The following DDX60L variants were observed in gnomAD, a reference collection of about 807,000 sequenced individuals.
The protein encoded by DDX60L is DExD/H-box 60 like.
Under a neutral mutation model 211.6 loss-of-function variants are expected in DDX60L, and 191 were observed. The ratio of observed to expected loss-of-function variants is 0.90; its 90% CI spans 0.80 to 1.02. DDX60L has a LOEUF of 1.02. DDX60L is among the 50% of genes least tolerant of loss of function. DDX60L has a pLI of 0.00. For synonymous variants in DDX60L, 706 were observed against 694.1 expected (o/e 1.02, Z -0.27); for missense variants, 2,007 against 1,984.1 (o/e 1.01, Z -0.22).
At chr4:168,393,756 G>T (rs964344039) in intron 28 of DDX60L, among the ~76,000 whole-genome samples, 2 of 152,106 alleles carry the variant, frequency 1.3e-5, no homozygotes, top group African/African-American at 4.8e-5. Flanking sequence ...TCTTAAAAAA[G>T]AAATGTCTTT....
At chr4:168,413,358 A>C (rs1354006400) in intron 22 of DDX60L, among the ~76,000 whole-genome samples, 1 of 152,152 alleles carries the variant, frequency 6.6e-6, no homozygotes, top group African/African-American at 2.4e-5. Flanking sequence ...TCCCTGATGA[A>C]TATTAATGCA....
chr4:168,412,348 G>A (rs904517535), intron 22 of DDX60L, among the ~76,000 whole-genome samples: 9 of 152,232 alleles, frequency 5.9e-5, no homozygotes, highest in African/African-American at 1.7e-4. Flanking sequence ...CTGGGCCAGA[G>A]AAAAGCCTGT....
intron 29 of DDX60L, among the ~76,000 whole-genome samples, chr4:168,389,094 G>A (rs1193763494): frequency 1.3e-5 from 2 of 152,160 alleles, no homozygotes; most frequent in Non-Finnish European, 2.9e-5. Flanking sequence ...AATAATCACA[G>A]CTTCCTGCTA....
chr4:168,437,739 T>C (rs979822924), intron 10 of DDX60L, among the ~76,000 whole-genome samples: 2 of 152,230 alleles, frequency 1.3e-5, no homozygotes, highest in Non-Finnish European at 2.9e-5. Context: ...TCATGCACCC[T>C]ATAGGTCACT....
chr4:168,404,475 T>C (rs1747394213), intron 24 of DDX60L, among the ~76,000 whole-genome samples: 1 of 152,048 alleles, frequency 6.6e-6, no homozygotes, highest in African/African-American at 2.4e-5. Context: ...TTAAGGAGTA[T>C]ATAAAACCTA....
intron 34 of DDX60L, 77 bp downstream of exon 34, chr4:168,375,300 T>C (rs1741755429): frequency 4.1e-6 from 6 of 1,468,852 alleles, no homozygotes; most frequent in Non-Finnish European, 5.6e-6. Flanking sequence ...CTTTGAAGCA[T>C]CCAATATCCA....
chr4:168,358,368 C>A, intron 37 of DDX60L, 92 bp from the exon 38 acceptor site: 1 of 892,676 alleles, frequency 1.1e-6, no homozygotes. Flanking sequence ...TAATTCCCCC[C>A]AAAATCTATC....
chr4:168,393,490 C>T (rs920675590), intron 28 of DDX60L, among the ~76,000 whole-genome samples: 6 of 151,688 alleles, frequency 4.0e-5, no homozygotes, highest in African/African-American at 1.2e-4. Context: ...AGCAAGACAC[C>T]GTCTCACAAA....
intron 36 of DDX60L, among the ~76,000 whole-genome samples, chr4:168,369,707 A>T (rs979318340): frequency 1.3e-5 from 2 of 152,196 alleles, no homozygotes; most frequent in Non-Finnish European, 2.9e-5. Context: ...TCATATCCAG[A>T]ATACATAAGA....
intron 4 of DDX60L, among the ~76,000 whole-genome samples, chr4:168,465,339 T>G (rs1476169969): frequency 6.6e-6 from 1 of 152,080 alleles, no homozygotes; most frequent in African/African-American, 2.4e-5. Context: ...TTAATTGGAT[T>G]ATCTTTTTTT....
At chr4:168,409,434 A>AT (rs1195891314) in intron 22 of DDX60L, among the ~76,000 whole-genome samples, 1 of 152,242 alleles carries the variant, frequency 6.6e-6, no homozygotes, top group Admixed American at 6.5e-5. Context: ...AAATTATAAA[A>AT]TACTATGCAA....
intron 1 of DDX60L, among the ~76,000 whole-genome samples, chr4:168,476,309 T>G (rs1230784097): frequency 1.3e-5 from 2 of 152,192 alleles, no homozygotes; most frequent in Middle Eastern, 3.4e-3. Flanking sequence ...AAAGAAGAAA[T>G]GAGGAATTTA....
intron 1 of DDX60L, among the ~76,000 whole-genome samples, chr4:168,477,674 T>C (rs940522036): frequency 2.0e-5 from 3 of 152,138 alleles, no homozygotes; most frequent in African/African-American, 7.2e-5. Flanking sequence ...TAATAGGCAG[T>C]GAGAAACTAG....
intron 12 of DDX60L, among the ~76,000 whole-genome samples, chr4:168,431,578 G>A (rs1373743345): frequency 6.7e-6 from 1 of 150,094 alleles, no homozygotes; most frequent in East Asian, 2.0e-4. Flanking sequence ...GGGAGGGATA[G>A]CATTAAGAGA....
chr4:168,472,340 C>T, intron 3 of DDX60L, 115 bp downstream of exon 3: 1 of 764,102 alleles, frequency 1.3e-6, no homozygotes, highest in Non-Finnish European at 2.1e-6. Flanking sequence ...CATCTCCAAG[C>T]TGCTCCAAGA....
At position 168,427,598 on chromosome 4, in the gene DDX60L, G is replaced by T. The variant is rs571590912; in HGVS notation, c.1678-276C>A. 2.0e-5 allele frequency among the ~76,000 whole-genome samples: 3 copies of T among 152,262 alleles called. No individual in the cohort carries two copies. The East Asian group carries it at 5.8e-4, about 29-fold the overall frequency. The stretch of plus-strand genomic sequence containing the variant: ...AATAAAAAAGTAAAAGTAAATGGAA[G>T]AAAACAAAGAAGAGAAAGAGTAGCC... On this transcript the variant is annotated intron_variant, in intron 13 of 37. Transcript: ENST00000682922.
intron 6 of DDX60L, among the ~76,000 whole-genome samples, chr4:168,456,982 AG>A (rs1280448491): frequency 6.7e-6 from 1 of 150,202 alleles, no homozygotes; most frequent in African/African-American, 2.4e-5. Context: ...AGGCCAAGGT[AG>A]GAGGATCACT....
At chr4:168,406,203 G>T in intron 23 of DDX60L, 125 bp from the exon 24 acceptor site, 1 of 867,392 alleles carries the variant, frequency 1.2e-6, no homozygotes, top group Non-Finnish European at 1.7e-6. Flanking sequence ...GGCAGAGGCT[G>T]TTGAACATCT....
At chr4:168,407,401 T>C (rs1747933531) in intron 22 of DDX60L, among the ~76,000 whole-genome samples, 1 of 152,198 alleles carries the variant, frequency 6.6e-6, no homozygotes, top group Admixed American at 6.5e-5. Flanking sequence ...ACAAATCCTG[T>C]CCTCATAGCC....
Sources: allele counts gnomAD v4.1 joint callset (sites outside exome capture counted in the v4.1 genomes callset), GRCh38; gene constraint gnomAD v4.1.1; transcripts MANE v1.5; gene names NCBI Gene and HGNC (gene_info 2026-07-23, HGNC 2026-07-21).